WDPCP: variants seen among roughly 807,000 people sequenced by gnomAD.
WDPCP encodes WD repeat-containing and planar cell polarity effector protein fritz homolog.
WDPCP carries 71 observed loss-of-function variants against 93.1 expected under a neutral mutation model. That is an observed-to-expected ratio of 0.76 (90% confidence interval 0.63 to 0.93). WDPCP has a LOEUF of 0.93. WDPCP is among the 40% of genes least tolerant of loss of function. WDPCP has a pLI of 0.00. For synonymous variants in WDPCP, 315 were observed against 315.0 expected, an observed-to-expected ratio of 1.00 and a Z score of 0.00; for missense variants, 844 against 887.4, an observed-to-expected ratio of 0.95 and a Z score of 0.62.
chr2:63,642,332 T>A (rs986596516), intron 3 of WDPCP: 4 of 152,182 alleles, frequency 2.6e-5, no homozygotes, highest in African/African-American at 9.6e-5. Context: ...AGAATTGTTG[T>A]TTCTGTTTTT....
At chr2:63,782,915 C>G (rs1433959626) in intron 2 of WDPCP, among the ~76,000 whole-genome samples, 1 of 152,056 alleles carries the variant, frequency 6.6e-6, no homozygotes, top group Non-Finnish European at 1.5e-5. Flanking sequence ...GTTAATTCAT[C>G]CTTCAAACTG....
chr2:63,528,622 G>A (rs1219640561), intron 1 of WDPCP, among the ~76,000 whole-genome samples: 1 of 152,212 alleles, frequency 6.6e-6, no homozygotes, highest in Non-Finnish European at 1.5e-5. Context: ...CTGTGGACTT[G>A]TAGTATAGTT....
At chr2:63,522,447 G>GAC (rs1190142205) in intron 1 of WDPCP, among the ~76,000 whole-genome samples, 47 of 96,718 alleles carry the variant, frequency 4.9e-4, no homozygotes, top group African/African-American at 1.7e-3. Context: ...AAGACAGACA[G>GAC]ACAGACAGAC....
intron 2 of WDPCP, among the ~76,000 whole-genome samples, chr2:63,697,215 T>C (rs1455383490): frequency 1.3e-5 from 2 of 152,178 alleles, no homozygotes; most frequent in East Asian, 3.8e-4. Flanking sequence ...TTCTAAGTAC[T>C]TGGCAAATGT....
chr2:63,327,116 T>C (rs143020935), intron 12 of WDPCP, among the ~76,000 whole-genome samples: 2,305 of 152,246 alleles, frequency 0.015, 30 homozygotes, highest in Non-Finnish European at 0.021. Context: ...GACAGGACAA[T>C]AGATGGTTCC....
intron 2 of WDPCP, among the ~76,000 whole-genome samples, chr2:63,716,648 G>A (rs1213789790): frequency 6.6e-6 from 1 of 152,202 alleles, no homozygotes; most frequent in African/African-American, 2.4e-5. Context: ...AGGTTGGGGT[G>A]TGCAGTGTGG....
chr2:63,250,441 T>C (rs1209648146), intron 14 of WDPCP, among the ~76,000 whole-genome samples: 1 of 152,194 alleles, frequency 6.6e-6, no homozygotes, highest in Non-Finnish European at 1.5e-5. Context: ...GAAAGGAAAT[T>C]AGCAGATAAG....
intron 15 of WDPCP, chr2:63,168,790 T>C (rs974522626): frequency 6.6e-6 from 1 of 152,172 alleles, no homozygotes; most frequent in Non-Finnish European, 1.5e-5. Context: ...AGTAGTGGGA[T>C]TGTGCCTGGT....
At chr2:63,316,400 C>T (rs1686641817) in intron 12 of WDPCP, among the ~76,000 whole-genome samples, 1 of 152,008 alleles carries the variant, frequency 6.6e-6, no homozygotes, top group South Asian at 2.1e-4. Flanking sequence ...GCCTATAATC[C>T]CAGCACTCTG....
At chr2:63,590,673 G>A (rs1466997418), upstream of WDPCP, 4 of 152,198 alleles carry the variant, frequency 2.6e-5, no homozygotes, top group African/African-American at 9.7e-5. Flanking sequence ...CAAGGTCACA[G>A]AGATTTTGGG....
chr2:63,484,360 T>C (rs2105903860), intron 6 of WDPCP, among the ~76,000 whole-genome samples: 1 of 152,100 alleles, frequency 6.6e-6, no homozygotes, highest in South Asian at 2.1e-4. Flanking sequence ...AAATACAATA[T>C]GAAAAGATTT....
intron 6 of WDPCP, among the ~76,000 whole-genome samples, chr2:63,472,488 GA>G (rs1699751814): frequency 6.6e-6 from 1 of 151,588 alleles, no homozygotes; most frequent in Non-Finnish European, 1.5e-5. Context: ...ACATTATAGG[GA>G]TATTTCAACT....
intron 1 of WDPCP, among the ~76,000 whole-genome samples, chr2:63,512,907 A>G (rs1351048086): frequency 6.6e-6 from 1 of 152,130 alleles, no homozygotes; most frequent in Admixed American, 6.5e-5. Context: ...AAATTAAAAA[A>G]AAAAAGAATC....
intron 13 of WDPCP, among the ~76,000 whole-genome samples, chr2:63,271,716 T>A (rs147856201): frequency 6.6e-6 from 1 of 152,210 alleles, no homozygotes; most frequent in Non-Finnish European, 1.5e-5. Context: ...AAGCACACCA[T>A]TTGAGGACGT....
chr2:63,368,297 A>ATTTATTTATTT (rs372647501), intron 12 of WDPCP, among the ~76,000 whole-genome samples: 1 of 147,050 alleles, frequency 6.8e-6, no homozygotes, highest in Non-Finnish European at 1.5e-5. Flanking sequence ...GTTTATTTTT[A>ATTTATTTATTT]ATTTATTTAT....
chr2:63,745,246 G>T (rs569728146), intron 2 of WDPCP, among the ~76,000 whole-genome samples: 1 of 152,170 alleles, frequency 6.6e-6, no homozygotes, highest in Non-Finnish European at 1.5e-5. Flanking sequence ...GGTTTGTTCT[G>T]CCCTTTAAAA....
rs4487077 is a variant in WDPCP at position 63,214,914 on chromosome 2, A to G, written c.1916-40082T>C. On this transcript the variant is annotated intron_variant, in intron 14 of 17. Transcript: ENST00000272321. ...TAAAATACCTAGGAATCCAACTTAC[A>G]AGGGATGGGAAGGACCACTTCAAGG... Among the ~76,000 whole-genome samples, 89 of 152,284 alleles carry G rather than the reference A, an allele frequency of 5.8e-4. 1 individual carries two copies. Among genetic ancestry groups the G allele is most frequent in the Middle Eastern group, 6.8e-3 (2 of 294 alleles).
At chr2:63,723,290 A>T (rs960771589) in intron 2 of WDPCP, among the ~76,000 whole-genome samples, 27 of 70,218 alleles carry the variant, frequency 3.8e-4, no homozygotes, top group African/African-American at 3.4e-4. Context: ...ATAAAAAATT[A>T]AAAAAAAAAA....
At chr2:63,369,973 T>A (rs7558796) in intron 12 of WDPCP, among the ~76,000 whole-genome samples, 121,728 of 152,074 alleles carry the variant, frequency 0.8, 49,577 homozygotes, top group East Asian at 0.96. Context: ...ACAGCATGGA[T>A]GCTTTGGGCG....
Sources: allele counts gnomAD v4.1 joint callset (sites outside exome capture counted in the v4.1 genomes callset), GRCh38; gene constraint gnomAD v4.1.1; transcripts MANE v1.5; gene names NCBI Gene and HGNC (gene_info 2026-07-23, HGNC 2026-07-21).